Variants in ZNF423 observed in about 807,000 individuals in gnomAD.
The protein encoded by ZNF423 is Ebf-associated zinc finger protein.
Under a neutral mutation model 95.8 loss-of-function variants are expected in ZNF423, and 12 were observed. The observed-to-expected ratio is 0.13, with a 90% confidence interval of 0.08 to 0.20. The LOEUF (loss-of-function observed/expected upper bound fraction) is 0.20, where lower values mean the gene tolerates loss of function less well. Ranked by LOEUF, ZNF423 falls within the 10% of genes least tolerant of loss-of-function variation. ZNF423 has a pLI of 1.00. For synonymous variants in ZNF423, 749 were observed against 711.9 expected, an observed-to-expected ratio of 1.05 and a Z score of -0.83; for missense variants, 1,316 against 1,737.1, an observed-to-expected ratio of 0.76 and a Z score of 4.31.
chr16:49,714,046 A>G (rs770458429), intron 3 of ZNF423, among the ~76,000 whole-genome samples: 2 of 152,330 alleles, frequency 1.3e-5, no homozygotes. Flanking sequence ...CACCAGGCAC[A>G]GTTGCTTCTG....
chr16:49,823,010 G>A (rs1238960038), intron 1 of ZNF423, among the ~76,000 whole-genome samples: 2 of 152,190 alleles, frequency 1.3e-5, no homozygotes, highest in African/African-American at 4.8e-5. Flanking sequence ...AGGCCCTAAG[G>A]CATCCTCACC....
chr16:49,713,191 T>C (rs905586051), intron 3 of ZNF423, among the ~76,000 whole-genome samples: 19 of 152,302 alleles, frequency 1.2e-4, no homozygotes, highest in African/African-American at 4.6e-4. Flanking sequence ...CACAGTCACC[T>C]GACATAGCCT....
chr16:49,491,005 T>C lies in ZNF423; in HGVS notation c.*270A>G. The C allele has an allele frequency of 2.1e-6, 1 of 478,390 alleles. No homozygotes were observed. Among genetic ancestry groups the C allele is most frequent in the Admixed American group, 3.3e-5 (1 of 30,528 alleles). 29.6% of individuals were successfully genotyped at this position (478,390 alleles called of 1,614,324 possible). Reference sequence around the variant, plus strand: ...ACAATAGCCTTAAAAAGCAGGTTTCTCTAACTCTAGAAATGTAGTCTGCGG... The same window carrying C: ...ACAATAGCCTTAAAAAGCAGGTTTCCCTAACTCTAGAAATGTAGTCTGCGG... On this transcript the variant is annotated 3_prime_UTR_variant, in exon 8 of 8. Coordinates refer to ENST00000563137, the MANE Select transcript of ZNF423 (RefSeq NM_001379286.1).
chr16:49,840,333 T>G (rs1190690534), intron 1 of ZNF423, among the ~76,000 whole-genome samples: 1 of 152,092 alleles, frequency 6.6e-6, no homozygotes, highest in African/African-American at 2.4e-5. Context: ...TTTCTCTTTT[T>G]GGGGGGGTGG....
At chr16:49,562,266 G>A (rs1172238968) in intron 5 of ZNF423, among the ~76,000 whole-genome samples, 1 of 152,208 alleles carries the variant, frequency 6.6e-6, no homozygotes, top group African/African-American at 2.4e-5. Flanking sequence ...TAATGGTTAG[G>A]ACATCAGACA....
intron 1 of ZNF423, among the ~76,000 whole-genome samples, chr16:49,817,829 G>A (rs1046607641): frequency 6.6e-6 from 1 of 152,034 alleles, no homozygotes; most frequent in Non-Finnish European, 1.5e-5. Flanking sequence ...GCAAGGTGTG[G>A]TTAGCTCCAT....
rs939863122 is a variant in ZNF423, at chr16:49,537,611, A to G, written c.3602-12117T>C. Among the ~76,000 whole-genome samples the G allele has an allele frequency of 5.3e-5, 8 of 152,326 alleles. No individual in the cohort carries two copies. In the East Asian group the frequency reaches 1.5e-3, roughly 29 times the overall value. On this transcript the variant is annotated intron_variant, in intron 5 of 7. Coordinates refer to ENST00000563137, the MANE Select transcript of ZNF423 (RefSeq NM_001379286.1). ...GCGGGTCTTTCTTCAGTTCGGCTGA[A>G]AAGTCACCCAAGATAGCGAGGCTTA...
chr16:49,824,087 T>G (rs1228154269), intron 1 of ZNF423, among the ~76,000 whole-genome samples: 1 of 152,170 alleles, frequency 6.6e-6, no homozygotes, highest in African/African-American at 2.4e-5. Context: ...AAAAAAAATT[T>G]TTTTTTAATC....
chr16:49,573,155 G>A (rs966922687), intron 5 of ZNF423, among the ~76,000 whole-genome samples: 20 of 152,174 alleles, frequency 1.3e-4, no homozygotes, highest in African/African-American at 4.3e-4. Context: ...GTAGAAGTGG[G>A]TAGAGGAGTA....
At chr16:49,825,527 G>A (rs138945203) in intron 1 of ZNF423, among the ~76,000 whole-genome samples, 7 of 151,734 alleles carry the variant, frequency 4.6e-5, no homozygotes, top group African/African-American at 1.7e-4. Context: ...ACAGGACTGA[G>A]GTGCAGGTCA....
At chr16:49,706,486 G>A (rs899016872) in intron 3 of ZNF423, among the ~76,000 whole-genome samples, 1 of 152,230 alleles carries the variant, frequency 6.6e-6, no homozygotes, top group Admixed American at 6.5e-5. Context: ...ACCAGGGCAT[G>A]CTGCCCCACC....
intron 7 of ZNF423, among the ~76,000 whole-genome samples, chr16:49,497,360 A>T (rs1363034546): frequency 2.0e-5 from 3 of 152,218 alleles, no homozygotes; most frequent in Non-Finnish European, 4.4e-5. Flanking sequence ...TGAGGAGCTC[A>T]CAATTTCATG....
chr16:49,530,718 C>T (rs908196838), intron 5 of ZNF423, among the ~76,000 whole-genome samples: 5 of 152,168 alleles, frequency 3.3e-5, no homozygotes, highest in East Asian at 1.9e-4. Flanking sequence ...TGGAACCCCA[C>T]GGAACAACAG....
chr16:49,574,212 G>C (rs1420678), intron 5 of ZNF423, among the ~76,000 whole-genome samples: 41,128 of 151,984 alleles, frequency 0.27, 5,735 homozygotes, highest in East Asian at 0.42. Flanking sequence ...AGTGGGACCC[G>C]CTGTCTACAC....
At chr16:49,819,789 A>T (rs2034912390) in intron 1 of ZNF423, among the ~76,000 whole-genome samples, 1 of 152,174 alleles carries the variant, frequency 6.6e-6, no homozygotes, top group African/African-American at 2.4e-5. Context: ...TTAGACGTGC[A>T]ATGGTTCAAC....
At chr16:49,767,743 T>C (rs2033955029) in intron 2 of ZNF423, among the ~76,000 whole-genome samples, 2 of 152,060 alleles carry the variant, frequency 1.3e-5, no homozygotes, top group African/African-American at 2.4e-5. Context: ...AGGACAACAT[T>C]CCAGCAGGCA....
chr16:49,714,651 G>A (rs1025469192), intron 3 of ZNF423, among the ~76,000 whole-genome samples: 3 of 148,714 alleles, frequency 2.0e-5, no homozygotes, highest in East Asian at 2.0e-4. Context: ...TGATGAGGCC[G>A]GGTGCAATGG....
upstream of ZNF423, among the ~76,000 whole-genome samples, chr16:49,858,912 T>C (rs574620268): frequency 6.6e-6 from 1 of 152,032 alleles, no homozygotes; most frequent in African/African-American, 2.4e-5. The surrounding 1 kb of genome is among the most constrained non-coding windows in gnomAD (Gnocchi z 4.3). Flanking sequence ...AGGCGGCAGA[T>C]GGCACACGCT....
At chr16:49,724,450 C>G (rs1331733182) in intron 3 of ZNF423, among the ~76,000 whole-genome samples, 2 of 152,240 alleles carry the variant, frequency 1.3e-5, no homozygotes, top group Non-Finnish European at 2.9e-5. Context: ...CCACACCCAG[C>G]ACCTGTGTAT....
Sources: gnomAD v4.1 joint callset for allele counts (sites outside exome capture counted in the v4.1 genomes callset) on GRCh38, gnomAD v4.1.1 for gene constraint, Gnocchi (gnomAD v3.1) non-coding constraint, MANE v1.5 for transcripts, NCBI Gene and HGNC (gene_info 2026-07-23, HGNC 2026-07-21) for gene names.